CSMD1: variants seen among roughly 807,000 people sequenced by gnomAD.
CSMD1 encodes the protein CUB and sushi domain-containing protein 1.
CSMD1 carries 213 observed loss-of-function variants against 417.5 expected under a neutral mutation model. The ratio of observed to expected loss-of-function variants is 0.51; its 90% CI spans 0.46 to 0.57. The LOEUF is 0.57. Among genes scored for constraint, CSMD1 ranks in the 20% least tolerant of loss-of-function variants. The probability of loss-of-function intolerance (pLI) is 0.00; values close to 1 mark genes in which losing one functional copy is unlikely to be tolerated. For synonymous variants in CSMD1, 2,862 were observed against 1,736.8 expected, an observed-to-expected ratio of 1.65 and a Z score of -16.11; for missense variants, 6,923 against 4,529.7, an observed-to-expected ratio of 1.53 and a Z score of -15.17.
At chr8:4,740,010 C>G (rs1056311063) in intron 1 of CSMD1, among the ~76,000 whole-genome samples, 1 of 152,102 alleles carries the variant, frequency 6.6e-6, no homozygotes, top group African/African-American at 2.4e-5. Flanking sequence ...CCTTTCCCAC[C>G]CTGAGCTTCA....
intron 5 of CSMD1, among the ~76,000 whole-genome samples, chr8:3,939,498 T>C (rs550126194): frequency 5.9e-5 from 9 of 152,116 alleles, no homozygotes; most frequent in Non-Finnish European, 1.5e-5. Flanking sequence ...GATTCAGCAA[T>C]CCCAGTAGAT....
chr8:3,678,836 C>G (rs770085607), intron 7 of CSMD1, among the ~76,000 whole-genome samples: 3 of 152,200 alleles, frequency 2.0e-5, no homozygotes, highest in Non-Finnish European at 4.4e-5. Flanking sequence ...AACAGCTGAT[C>G]TCTCAGCAGA....
At chr8:3,742,638 G>A (rs766897675) in intron 6 of CSMD1, among the ~76,000 whole-genome samples, 12 of 151,968 alleles carry the variant, frequency 7.9e-5, no homozygotes, top group East Asian at 7.7e-4. Flanking sequence ...CCTTCTGCTC[G>A]TCCTGAAGGA....
chr8:4,770,660 C>A (rs1026963141), intron 1 of CSMD1, among the ~76,000 whole-genome samples: 7 of 151,920 alleles, frequency 4.6e-5, no homozygotes, highest in Non-Finnish European at 8.8e-5. Context: ...TAAATCCAAG[C>A]ATATATGGTC....
At chr8:3,409,692 T>A in intron 12 of CSMD1, 87 bp from the exon 13 acceptor site, 1 of 1,045,376 alleles carries the variant, frequency 9.6e-7, no homozygotes, top group Non-Finnish European at 1.3e-6. Flanking sequence ...AATACGTGGC[T>A]TCTTTTTGCT....
At chr8:4,128,998 C>T (rs1054993528) in intron 3 of CSMD1, among the ~76,000 whole-genome samples, 4 of 147,674 alleles carry the variant, frequency 2.7e-5, no homozygotes, top group African/African-American at 9.9e-5. Flanking sequence ...GTTGCTTGAA[C>T]CCGGGAGTCA....
chr8:3,441,628 A>G (rs1197200352), intron 12 of CSMD1, among the ~76,000 whole-genome samples: 4 of 152,016 alleles, frequency 2.6e-5, no homozygotes, highest in African/African-American at 9.7e-5. Flanking sequence ...ACCTAATGAC[A>G]TAGTAGCCAT....
chr8:3,718,296 A>AT (rs35245879), intron 6 of CSMD1, among the ~76,000 whole-genome samples: 84,217 of 151,680 alleles, frequency 0.56, 23,585 homozygotes, highest in African/African-American at 0.63. Context: ...GCATTCCTGC[A>AT]TTTTTTTTAT....
intron 22 of CSMD1, among the ~76,000 whole-genome samples, chr8:3,346,833 G>A (rs1318157883): frequency 6.6e-6 from 1 of 152,182 alleles, no homozygotes; most frequent in African/African-American, 2.4e-5. Context: ...GTGCATCTAC[G>A]TAGATGTAAA....
At chr8:3,256,279 A>G (rs1175278914) in intron 26 of CSMD1, among the ~76,000 whole-genome samples, 1 of 138,600 alleles carries the variant, frequency 7.2e-6, no homozygotes, top group African/African-American at 2.6e-5. Context: ...GTGGGCTGAT[A>G]TTGTTTGACA....
In CSMD1 at chr8:3,362,257, T is replaced by C. The variant is rs540872444; in HGVS notation, c.3116-2917A>G. ...TCATTAGCACAAATTTTTCAAAGTG[T>C]TGGGTGTACCTTCCATTTTCCCATC... On this transcript the variant is annotated intron_variant, in intron 20 of 69. Transcript: ENST00000635120. 2.6e-5 allele frequency among the ~76,000 whole-genome samples: 4 copies of C among 152,302 alleles called. No individual in the cohort carries two copies. The South Asian group carries it at 8.3e-4, about 32-fold the overall frequency.
intron 2 of CSMD1, among the ~76,000 whole-genome samples, chr8:4,596,593 T>C (rs1215970010): frequency 6.6e-6 from 1 of 152,234 alleles, no homozygotes; most frequent in Admixed American, 6.5e-5. Flanking sequence ...GAAGTGCATA[T>C]ATTCTTCCTA....
intron 37 of CSMD1, among the ~76,000 whole-genome samples, chr8:3,162,666 C>T (rs1482280633): frequency 6.6e-6 from 1 of 150,536 alleles, no homozygotes; most frequent in Non-Finnish European, 1.5e-5. Context: ...GCATACTTAG[C>T]AGTCTTTATA....
intron 2 of CSMD1, among the ~76,000 whole-genome samples, chr8:4,479,408 G>T (rs1255746436): frequency 6.7e-6 from 1 of 149,136 alleles, no homozygotes; most frequent in East Asian, 2.1e-4. Flanking sequence ...TTTCACTTCA[G>T]TAATTAAGAA....
At chr8:2,996,034 A>G (rs921289093) in intron 54 of CSMD1, among the ~76,000 whole-genome samples, 1 of 152,138 alleles carries the variant, frequency 6.6e-6, no homozygotes, top group Non-Finnish European at 1.5e-5. Flanking sequence ...AGATTCTACC[A>G]CTGGGTGAGA....
chr8:4,376,422 C>G (rs925150371), intron 3 of CSMD1, among the ~76,000 whole-genome samples: 2 of 152,068 alleles, frequency 1.3e-5, no homozygotes, highest in Non-Finnish European at 2.9e-5. Flanking sequence ...ATATTTTTTT[C>G]TTTACGTTTC....
intron 2 of CSMD1, among the ~76,000 whole-genome samples, chr8:4,427,013 G>C (rs554221461): frequency 2.6e-5 from 4 of 152,218 alleles, no homozygotes; most frequent in Middle Eastern, 3.4e-3. Flanking sequence ...GAAGTGATCA[G>C]TGATCATGTC....
chr8:3,220,743 A>G (rs1798160430), intron 28 of CSMD1, among the ~76,000 whole-genome samples: 1 of 152,150 alleles, frequency 6.6e-6, no homozygotes, highest in Non-Finnish European at 1.5e-5. Context: ...AGGCAGAAGA[A>G]TCGCTTGAAC....
intron 1 of CSMD1, among the ~76,000 whole-genome samples, chr8:4,933,776 T>C (rs1188472376): frequency 2.0e-5 from 3 of 152,202 alleles, no homozygotes; most frequent in Non-Finnish European, 1.5e-5. Flanking sequence ...TATTGCTTTC[T>C]TCCTCTCTTC....
Sources: allele counts gnomAD v4.1 joint callset (sites outside exome capture counted in the v4.1 genomes callset), GRCh38; gene constraint gnomAD v4.1.1; transcripts MANE v1.5; gene names NCBI Gene and HGNC (gene_info 2026-07-23, HGNC 2026-07-21).